Variants in TFDP2 observed in about 807,000 individuals in gnomAD.
TFDP2 encodes transcription factor Dp-2.
TFDP2 carries 17 observed loss-of-function variants against 59.3 expected under a neutral mutation model. That is an observed-to-expected ratio of 0.29 (90% CI 0.20 to 0.43). The LOEUF is 0.43. Among genes scored for constraint, TFDP2 ranks in the 20% least tolerant of loss-of-function variants. The pLI, the probability that TFDP2 is intolerant of heterozygous loss-of-function variation, is 1.00. For missense variants in TFDP2, 391 were observed against 528.8 expected (o/e 0.74, Z 2.56); for synonymous variants, 180 against 194.7 (o/e 0.92, Z 0.63).
intron 3 of TFDP2, among the ~76,000 whole-genome samples, chr3:142,060,602 A>T (rs1288573500): frequency 6.6e-6 from 1 of 152,178 alleles, no homozygotes; most frequent in African/African-American, 2.4e-5. Flanking sequence ...AATTATACTT[A>T]AATATATAAA....
rs144933278 is a variant in TFDP2 at position 142,080,971 on chromosome 3, T to A, written c.82+12090A>T. The stretch of plus-strand genomic sequence containing the variant: ...AGGAAACACTAGACTTAATTTTCGC[T>A]ATAGACCAATTGGACCTAATAAGAT... On this transcript the variant is annotated intron_variant, in intron 3 of 12. Coordinates refer to ENST00000489671, the MANE Select transcript of TFDP2 (RefSeq NM_001178139.2). Among the ~76,000 whole-genome samples, 367 of 152,346 alleles carry A rather than the reference T, an allele frequency of 2.4e-3. 2 individuals carry two copies. Among genetic ancestry groups the A allele is most frequent in the African/African-American group, 8.4e-3 (348 of 41,590 alleles).
chr3:142,000,282 G>A (rs531618481), intron 4 of TFDP2: 37 of 702,874 alleles, frequency 5.3e-5, no homozygotes, highest in South Asian at 4.6e-4. Context: ...GGTCCAAAAT[G>A]AAAGTGCCGG....
chr3:142,123,356 G>A (rs932330099), intron 1 of TFDP2, among the ~76,000 whole-genome samples: 133 of 152,064 alleles, frequency 8.7e-4, no homozygotes, highest in African/African-American at 3.1e-3. Flanking sequence ...GGATGGTCTC[G>A]ATCTCCTGAC....
rs1004668806 is a variant in TFDP2 at position 142,061,664 on chromosome 3, A to G, written c.82+31397T>C. Reference sequence around the variant, plus strand: ...ACACTGGTTCTGAGGCCTCTGGCCTAGAATTGGGACTTGTACCATCAGCCC... The same window carrying G: ...ACACTGGTTCTGAGGCCTCTGGCCTGGAATTGGGACTTGTACCATCAGCCC... On this transcript the variant is annotated intron_variant, in intron 3 of 12. Coordinates refer to ENST00000489671, the MANE Select transcript of TFDP2 (RefSeq NM_001178139.2). Among the ~76,000 whole-genome samples the G allele has an allele frequency of 2.0e-5, 3 of 152,202 alleles. No individual in the cohort carries two copies. In the East Asian group the frequency reaches 5.8e-4, roughly 30 times the overall value.
Position 142,134,523 on chromosome 3 carries a change from G to A in TFDP2, c.-93+14660C>T, listed in dbSNP as rs2062649306. Among the ~76,000 whole-genome samples, 2 of 151,952 alleles carry A rather than the reference G, an allele frequency of 1.3e-5. 1 individual carries two copies. ...TTGCTTTATTCTGCCTACAGCAATG[G>A]GAATCCTAATAAATAAATAGTTGGT... On this transcript the variant is annotated intron_variant, in intron 1 of 12. Transcript: ENST00000489671.
intron 9 of TFDP2, among the ~76,000 whole-genome samples, chr3:141,969,743 G>C (rs1939423922): frequency 6.6e-6 from 1 of 152,234 alleles, no homozygotes; most frequent in Admixed American, 6.5e-5. Flanking sequence ...TTCACTAGTG[G>C]ATATTCCAAA....
intron 3 of TFDP2, among the ~76,000 whole-genome samples, chr3:142,038,383 CAA>C (rs1184364752): frequency 8.9e-4 from 37 of 41,412 alleles, no homozygotes; most frequent in African/African-American, 3.9e-3. Context: ...GACTCCATCT[CAA>C]AAAAAAAAAA....
At chr3:142,071,940 C>G (rs1241903896) in intron 3 of TFDP2, among the ~76,000 whole-genome samples, 1 of 152,008 alleles carries the variant, frequency 6.6e-6, no homozygotes. Context: ...AGTATTTGGG[C>G]CACAGGTATA....
chr3:142,028,780 G>T, intron 3 of TFDP2: 1 of 928,746 alleles, frequency 1.1e-6, no homozygotes, highest in Non-Finnish European at 1.3e-6. Flanking sequence ...TATGAATACT[G>T]TTTACAACAA....
chr3:142,094,666 TATC>T (rs1236397942), intron 2 of TFDP2, among the ~76,000 whole-genome samples: 1 of 152,196 alleles, frequency 6.6e-6, no homozygotes, highest in African/African-American at 2.4e-5. Flanking sequence ...TTTACTGAGA[TATC>T]ATTGATATAT....
At chr3:141,959,546 A>T in intron 11 of TFDP2, 128 bp downstream of exon 11, 1 of 984,898 alleles carries the variant, frequency 1.0e-6, no homozygotes, top group Non-Finnish European at 1.5e-6. Flanking sequence ...CTAAAGTGTT[A>T]AAGGTTTCAG....
intron 10 of TFDP2, 70 bp from the exon 11 acceptor site, chr3:141,959,910 G>C: frequency 6.7e-7 from 1 of 1,483,588 alleles, no homozygotes; most frequent in Non-Finnish European, 9.2e-7. Context: ...GTATTCTATA[G>C]TTTAAGTAAC....
intron 11 of TFDP2, among the ~76,000 whole-genome samples, chr3:141,957,407 ATTTCCTTAAAATG>A (rs1936824252): frequency 1.3e-5 from 2 of 152,196 alleles, no homozygotes; most frequent in African/African-American, 4.8e-5. Context: ...ACAGTTTGGT[ATTTCCTTAAAATG>A]TTAAACACAG....
chr3:142,003,057 C>T, intron 4 of TFDP2, among the ~76,000 whole-genome samples: 1 of 151,486 alleles, frequency 6.6e-6, no homozygotes, highest in East Asian at 1.9e-4. Flanking sequence ...GGCTGGAGTA[C>T]AGTGCCGCGA....
chr3:141,987,581 C>CGTGTGTGT (rs113061424), intron 6 of TFDP2, among the ~76,000 whole-genome samples: 9 of 118,604 alleles, frequency 7.6e-5, no homozygotes, highest in South Asian at 2.9e-4. Context: ...CTGCGCCTGG[C>CGTGTGTGT]GTGTGTGTGT....
intron 10 of TFDP2, among the ~76,000 whole-genome samples, chr3:141,961,963 G>C (rs368004460): frequency 2.2e-4 from 34 of 151,956 alleles, no homozygotes; most frequent in African/African-American, 8.0e-4. Context: ...TCTTTTTTTG[G>C]GGGGGACGGA....
At chr3:142,039,731 TAGCACTGAGTAACAAGC>T (rs997551408) in intron 3 of TFDP2, among the ~76,000 whole-genome samples, 17 of 152,022 alleles carry the variant, frequency 1.1e-4, no homozygotes, top group African/African-American at 4.1e-4. Flanking sequence ...ACCATAAGCC[TAGCACTGAGTAACAAGC>T]AGCATCAGTC....
chr3:142,014,461 A>T (rs1944969000), intron 3 of TFDP2, among the ~76,000 whole-genome samples: 1 of 152,114 alleles, frequency 6.6e-6, no homozygotes, highest in Admixed American at 6.6e-5. Context: ...AGTTAAAATG[A>T]CCTAGACTGT....
intron 2 of TFDP2, among the ~76,000 whole-genome samples, chr3:142,099,597 G>C (rs1576981185): frequency 6.6e-6 from 1 of 151,978 alleles, no homozygotes; most frequent in Non-Finnish European, 1.5e-5. Context: ...CTACTTGGGA[G>C]GCTGAGGCAG....
Sources: gnomAD v4.1 joint callset for allele counts (sites outside exome capture counted in the v4.1 genomes callset) on GRCh38, gnomAD v4.1.1 for gene constraint, MANE v1.5 for transcripts, NCBI Gene and HGNC (gene_info 2026-07-23, HGNC 2026-07-21) for gene names.